FMN1: variants seen among roughly 807,000 people sequenced by gnomAD.
FMN1 encodes formin 1.
FMN1 carries 110 observed loss-of-function variants against 132.4 expected under a neutral mutation model. The observed-to-expected ratio is 0.83, with a 90% CI of 0.71 to 0.97. FMN1 has a LOEUF of 0.97. Ranked by LOEUF, FMN1 falls within the 50% of genes least tolerant of loss-of-function variation. The pLI, the probability that FMN1 is intolerant of heterozygous loss-of-function variation, is 0.00. For missense variants in FMN1, 1,792 were observed against 1,705.3 expected (o/e 1.05, Z -0.90); for synonymous variants, 722 against 651.7 (o/e 1.11, Z -1.64).
chr15:32,986,321 C>T (rs11858019), intron 7 of FMN1, among the ~76,000 whole-genome samples: 13,288 of 152,000 alleles, frequency 0.087, 704 homozygotes, highest in African/African-American at 0.14. Flanking sequence ...CAGTGAGAAC[C>T]GGAATAAGGG....
At chr15:32,868,965 G>A (rs138882475) in intron 16 of FMN1, among the ~76,000 whole-genome samples, 1 of 152,270 alleles carries the variant, frequency 6.6e-6, no homozygotes, top group African/African-American at 2.4e-5. Context: ...GCTGGGTATA[G>A]GCCTCTATTT....
At chr15:32,792,131 G>A (rs980228706) in intron 19 of FMN1, among the ~76,000 whole-genome samples, 4 of 151,984 alleles carry the variant, frequency 2.6e-5, no homozygotes, top group African/African-American at 9.7e-5. Flanking sequence ...TATATTATCA[G>A]AGCAACGAGG....
At chr15:32,811,498 T>C (rs2057875378) in intron 17 of FMN1, among the ~76,000 whole-genome samples, 1 of 151,906 alleles carries the variant, frequency 6.6e-6, no homozygotes, top group East Asian at 1.9e-4. Flanking sequence ...AAGGACATTG[T>C]GTCACTACAC....
At chr15:33,037,336 G>C (rs1281032918) in intron 6 of FMN1, among the ~76,000 whole-genome samples, 1 of 152,084 alleles carries the variant, frequency 6.6e-6, no homozygotes, top group Non-Finnish European at 1.5e-5. Flanking sequence ...CTCTACAGCT[G>C]ATCTGAGTTT....
At chr15:32,900,183 T>G in intron 13 of FMN1, 58 bp from the exon 14 acceptor site, 3 of 1,586,112 alleles carry the variant, frequency 1.9e-6, no homozygotes, top group Non-Finnish European at 2.6e-6. Context: ...CCATGTTCAT[T>G]CAGTAACAAA....
chr15:32,792,478 C>G (rs8039048), intron 19 of FMN1, among the ~76,000 whole-genome samples: 1 of 150,996 alleles, frequency 6.6e-6, no homozygotes, highest in Non-Finnish European at 1.5e-5. Context: ...AAAAAAAACC[C>G]AAAAAAACTA....
At chr15:32,957,295 GTTCTTT>G (rs1394513014) in intron 9 of FMN1, among the ~76,000 whole-genome samples, 125 of 74,154 alleles carry the variant, frequency 1.7e-3, no homozygotes, top group African/African-American at 5.0e-3. Flanking sequence ...TATCAGAGCA[GTTCTTT>G]TTTTTTTTTT....
chr15:32,916,478 G>A (rs2060687222), intron 10 of FMN1, among the ~76,000 whole-genome samples: 1 of 152,180 alleles, frequency 6.6e-6, no homozygotes, highest in Admixed American at 6.5e-5. Flanking sequence ...TGGTGAGAAA[G>A]GCATACCTTG....
chr15:33,107,503 C>T (rs906451890), intron 4 of FMN1, among the ~76,000 whole-genome samples: 4 of 151,804 alleles, frequency 2.6e-5, no homozygotes, highest in African/African-American at 7.3e-5. Flanking sequence ...CTAACCTCTC[C>T]CTTACTTCAT....
At chr15:33,052,515 C>T (rs1368998481) in intron 6 of FMN1, among the ~76,000 whole-genome samples, 2 of 152,190 alleles carry the variant, frequency 1.3e-5, no homozygotes, top group Non-Finnish European at 2.9e-5. Context: ...AATAGCAACA[C>T]CAATTCTCTG....
rs2056147895 is a variant in FMN1 at position 32,769,243 on chromosome 15, C to T, written c.*5067G>A. 6.6e-6 allele frequency: 1 copy of T among 152,218 alleles called. No individual in the cohort carries two copies. Among genetic ancestry groups the T allele is most frequent in the Non-Finnish European group, 1.5e-5 (1 of 68,044 alleles). 9.4% of individuals were successfully genotyped at this position (152,218 alleles called of 1,614,324 possible). A position where few individuals can be genotyped will look rare whatever the true frequency, so the allele number is the denominator to read the frequency against. Reference sequence around the variant, plus strand: ...TTATATCACAGTATTGGTTAAGAGTCTTGGAACAAATAAGGATACTGAATT... The same window carrying T: ...TTATATCACAGTATTGGTTAAGAGTTTTGGAACAAATAAGGATACTGAATT... On this transcript the variant is annotated 3_prime_UTR_variant, in exon 21 of 21. Coordinates refer to ENST00000616417, the MANE Select transcript of FMN1 (RefSeq NM_001277313.2).
chr15:33,151,217 A>T, intron 4 of FMN1: 1 of 1,531,956 alleles, frequency 6.5e-7, no homozygotes, highest in South Asian at 1.2e-5. Flanking sequence ...CCCTATAGGA[A>T]GTCTCCACAG....
intron 8 of FMN1, among the ~76,000 whole-genome samples, chr15:32,965,448 ATATACT>A (rs749645828): frequency 2.6e-5 from 4 of 152,178 alleles, no homozygotes; most frequent in Non-Finnish European, 5.9e-5. Context: ...AATTTCATCT[ATATACT>A]TATTGTTTAT....
intron 9 of FMN1, among the ~76,000 whole-genome samples, chr15:32,929,765 C>CTTT (rs34841652): frequency 1.5e-4 from 22 of 145,266 alleles, no homozygotes; most frequent in South Asian, 1.1e-3. Flanking sequence ...ACAAGATTTC[C>CTTT]TTTTTTTTTT....
chr15:32,830,613 T>C (rs1240670461), intron 17 of FMN1, among the ~76,000 whole-genome samples: 2 of 152,150 alleles, frequency 1.3e-5, no homozygotes, highest in African/African-American at 4.8e-5. Context: ...AAGTGTGAAA[T>C]AGACATCTTC....
chr15:33,041,972 G>A (rs2036461342), intron 6 of FMN1, among the ~76,000 whole-genome samples: 1 of 151,852 alleles, frequency 6.6e-6, no homozygotes, highest in Non-Finnish European at 1.5e-5. Flanking sequence ...TAAACTTCAT[G>A]TTATGTATAT....
chr15:32,829,034 T>C (rs976598815), intron 17 of FMN1, among the ~76,000 whole-genome samples: 8 of 152,218 alleles, frequency 5.3e-5, no homozygotes, highest in African/African-American at 1.7e-4. Context: ...ATGGCAAGAA[T>C]GTCAGTATTT....
At chr15:33,005,531 G>T (rs1473292634) in intron 7 of FMN1, among the ~76,000 whole-genome samples, 1 of 152,104 alleles carries the variant, frequency 6.6e-6, no homozygotes, top group African/African-American at 2.4e-5. Flanking sequence ...CTTAGTTTGA[G>T]ATATATAAGA....
chr15:32,853,014 C>T (rs1438260052), intron 17 of FMN1, among the ~76,000 whole-genome samples: 1 of 152,264 alleles, frequency 6.6e-6, no homozygotes, highest in East Asian at 1.9e-4. Context: ...GCCTGGAATG[C>T]CCTTTGTAGC....
Sources: gnomAD v4.1 joint callset for allele counts (sites outside exome capture counted in the v4.1 genomes callset) on GRCh38, gnomAD v4.1.1 for gene constraint, MANE v1.5 for transcripts, NCBI Gene and HGNC (gene_info 2026-07-23, HGNC 2026-07-21) for gene names.